Variants in NRG1 observed in about 807,000 individuals in gnomAD.
NRG1 encodes neuregulin 1.
In NRG1, 18 loss-of-function variants were observed where a neutral mutation model predicts 63.8. The observed-to-expected ratio is 0.28, with a 90% CI of 0.19 to 0.42. The LOEUF is 0.42. Ranked by LOEUF, NRG1 falls within the 10% of genes least tolerant of loss-of-function variation. The probability of loss-of-function intolerance (pLI) is 1.00; values close to 1 mark genes in which losing one functional copy is unlikely to be tolerated. For missense variants in NRG1, 762 were observed against 814.7 expected (o/e 0.94, Z 0.79); for synonymous variants, 302 against 301.3 (o/e 1.00, Z -0.02).
intron 1 of NRG1, among the ~76,000 whole-genome samples, chr8:32,229,847 AT>A (rs145161997): frequency 0.046 from 6,900 of 150,908 alleles, 228 homozygotes; most frequent in South Asian, 0.095. Context: ...ACATTTTTTC[AT>A]TTTTTTTTCT....
At chr8:32,653,300 A>G (rs897205590) in intron 5 of NRG1, among the ~76,000 whole-genome samples, 7 of 152,158 alleles carry the variant, frequency 4.6e-5, no homozygotes, top group African/African-American at 1.4e-4. Flanking sequence ...GCATAATGCA[A>G]TTTGAGATAT....
chr8:32,292,694 G>A (rs997914007), intron 1 of NRG1, among the ~76,000 whole-genome samples: 5 of 152,218 alleles, frequency 3.3e-5, no homozygotes, highest in African/African-American at 1.2e-4. Flanking sequence ...AATAGAAGGT[G>A]TGACACTGAA....
chr8:32,380,068 T>C (rs1365811336), intron 1 of NRG1, among the ~76,000 whole-genome samples: 1 of 152,146 alleles, frequency 6.6e-6, no homozygotes, highest in Non-Finnish European at 1.5e-5. Context: ...CATCTCCACT[T>C]TCTCACCCAA....
At chr8:32,563,317 G>T (rs1836808305) in intron 1 of NRG1, among the ~76,000 whole-genome samples, 1 of 152,128 alleles carries the variant, frequency 6.6e-6, no homozygotes, top group Admixed American at 6.5e-5. Flanking sequence ...TAGGCAAATA[G>T]CAAATTTGTT....
At chr8:32,067,432 A>G (rs1484002261) in intron 1 of NRG1, among the ~76,000 whole-genome samples, 2 of 152,224 alleles carry the variant, frequency 1.3e-5, no homozygotes, top group African/African-American at 4.8e-5. Context: ...CCTTTTCTGC[A>G]TCTACTGAGA....
intron 1 of NRG1, among the ~76,000 whole-genome samples, chr8:32,193,785 G>A (rs1001557565): frequency 1.3e-5 from 2 of 152,176 alleles, no homozygotes; most frequent in Admixed American, 6.5e-5. Context: ...AATCCAATAT[G>A]ACTGGTATTT....
In NRG1 at chr8:32,427,539, G is replaced by A. The variant is rs1486273344; in HGVS notation, c.38-168289G>A. On this transcript the variant is annotated intron_variant, in intron 1 of 10. Coordinates refer to the NRG1 transcript ENST00000519301. ...AAAGACAGCTTGTGCCAACAGCCTTGTCAATATGCCAATCATCTTGTTACA... is the reference window on the plus strand; with the variant it reads ...AAAGACAGCTTGTGCCAACAGCCTTATCAATATGCCAATCATCTTGTTACA... Among the ~76,000 whole-genome samples the A allele has an allele frequency of 2.0e-5, 3 of 152,192 alleles. No homozygotes were observed. In the East Asian group the frequency reaches 5.8e-4, roughly 29 times the overall value.
chr8:31,867,678 C>G lies in NRG1; in HGVS notation c.37+228247C>G, dbSNP rs192546699. On this transcript the variant is annotated intron_variant, in intron 1 of 10. Coordinates refer to the NRG1 transcript ENST00000519301. ...AATATTAGCTGTTCAGAAAAATATC[C>G]ATGATAAATTAGAAACTGAAATCAG... Among the ~76,000 whole-genome samples, 3 of 152,164 alleles carry G rather than the reference C, an allele frequency of 2.0e-5. No homozygotes were observed. In the East Asian group the frequency reaches 5.8e-4, roughly 29 times the overall value.
intron 1 of NRG1, among the ~76,000 whole-genome samples, chr8:32,150,224 A>T (rs1266127273): frequency 6.6e-6 from 1 of 152,200 alleles, no homozygotes; most frequent in Non-Finnish European, 1.5e-5. Flanking sequence ...AGCCTTCTGG[A>T]GTGATAAATG....
At chr8:32,452,654 T>C (rs1821108299) in intron 1 of NRG1, among the ~76,000 whole-genome samples, 1 of 150,092 alleles carries the variant, frequency 6.7e-6, no homozygotes, top group Admixed American at 6.7e-5. Context: ...CCATTACATG[T>C]TTCAAAAGAT....
At chr8:32,619,617 G>A (rs1404252354) in intron 5 of NRG1, among the ~76,000 whole-genome samples, 1 of 152,184 alleles carries the variant, frequency 6.6e-6, no homozygotes, top group Non-Finnish European at 1.5e-5. Flanking sequence ...TGAAAGTCAA[G>A]CCAGCAAGAT....
chr8:31,678,088 G>GTTATTTATTTAT (rs56884285), intron 1 of NRG1, among the ~76,000 whole-genome samples: 4,822 of 150,042 alleles, frequency 0.032, 111 homozygotes, highest in South Asian at 0.13. Flanking sequence ...CTTTTAACTT[G>GTTATTTATTTAT]TTATTTATTT....
intron 1 of NRG1, among the ~76,000 whole-genome samples, chr8:31,974,292 A>G (rs1224585346): frequency 6.6e-6 from 1 of 152,058 alleles, no homozygotes; most frequent in Non-Finnish European, 1.5e-5. Context: ...CAGCCTCCCA[A>G]GTAGCTGGAA....
At chr8:32,148,950 T>C (rs1055242592) in intron 1 of NRG1, among the ~76,000 whole-genome samples, 10 of 152,174 alleles carry the variant, frequency 6.6e-5, no homozygotes. Flanking sequence ...TATTTTACAT[T>C]GGGCATCTAT....
At chr8:31,655,147 C>T (rs1309995791) in intron 1 of NRG1, among the ~76,000 whole-genome samples, 1 of 152,098 alleles carries the variant, frequency 6.6e-6, no homozygotes, top group African/African-American at 2.4e-5. Flanking sequence ...AAAAGAGAAG[C>T]AGTAAGCCTA....
intron 3 of NRG1, among the ~76,000 whole-genome samples, chr8:32,612,010 A>G (rs889220163): frequency 3.3e-5 from 5 of 152,100 alleles, no homozygotes; most frequent in Non-Finnish European, 4.4e-5. Context: ...GAATTCAAAC[A>G]TTACAAATAT....
intron 1 of NRG1, among the ~76,000 whole-genome samples, chr8:32,285,598 G>T (rs188767946): frequency 6.6e-6 from 1 of 152,276 alleles, no homozygotes; most frequent in Non-Finnish European, 1.5e-5. Context: ...GGATCTCCAG[G>T]ATTGGCTGAG....
intron 1 of NRG1, among the ~76,000 whole-genome samples, chr8:31,804,189 G>A (rs1401049671): frequency 6.6e-6 from 1 of 152,090 alleles, no homozygotes; most frequent in Non-Finnish European, 1.5e-5. Flanking sequence ...GTAATAACCT[G>A]AATATTCCTT....
intron 1 of NRG1, among the ~76,000 whole-genome samples, chr8:32,273,365 G>GA (rs1289919531): frequency 3.3e-5 from 5 of 151,822 alleles, no homozygotes; most frequent in African/African-American, 1.2e-4. Context: ...AATCAAAAAG[G>GA]AAAAAAATGT....
Sources: gnomAD v4.1 joint callset for allele counts (sites outside exome capture counted in the v4.1 genomes callset) on GRCh38, gnomAD v4.1.1 for gene constraint, MANE v1.5 for transcripts, NCBI Gene and HGNC (gene_info 2026-07-23, HGNC 2026-07-21) for gene names.